RIF1: variants seen among roughly 807,000 people sequenced by gnomAD.
RIF1 encodes the protein replication timing regulatory factor 1.
Under a neutral mutation model 247.1 loss-of-function variants are expected in RIF1, and 45 were observed. The ratio of observed to expected loss-of-function variants is 0.18; its 90% confidence interval spans 0.14 to 0.23. The LOEUF is 0.23. RIF1 is among the 10% of genes least tolerant of loss of function. RIF1 has a pLI of 1.00. For missense variants in RIF1, 2,967 were observed against 2,862.5 expected, an observed-to-expected ratio of 1.04 and a Z score of -0.83; for synonymous variants, 1,087 against 978.8, an observed-to-expected ratio of 1.11 and a Z score of -2.06.
At position 151,443,203 on chromosome 2, in the gene RIF1, A is replaced by G. The variant is rs532673336; in HGVS notation, c.1735-56A>G. On this transcript the variant is annotated intron_variant, in intron 16 of 35. Coordinates refer to ENST00000444746, the MANE Select transcript of RIF1 (RefSeq NM_018151.5). ...TTATTTCTTAAATAACCAATTATAA[A>G]AAACAAATGTTCTATTCTTTGTAAC... 386 of 1,122,750 alleles carry G rather than the reference A, an allele frequency of 3.4e-4. 6 individuals are homozygous for G. In the South Asian group the frequency reaches 5.1e-3, roughly 15 times the overall value. 69.5% of individuals were successfully genotyped at this position (1,122,750 alleles called of 1,614,324 possible). A position where few individuals can be genotyped will look rare whatever the true frequency, so the allele number is the denominator to read the frequency against.
At chr2:151,489,842 G>T in intron 9 of RIF1, 1 of 551,938 alleles carries the variant, frequency 1.8e-6, no homozygotes, top group Non-Finnish European at 3.2e-6. Flanking sequence ...TATGAAACAT[G>T]TAATAAAAGA....
At chr2:151,462,848 C>A (rs766407218) in intron 29 of RIF1, 36 bp from the exon 30 acceptor site, 2 of 1,418,764 alleles carry the variant, frequency 1.4e-6, no homozygotes, top group South Asian at 1.4e-5. Flanking sequence ...GGTTATTAAT[C>A]TGTGTGTGTA....
In RIF1 at chr2:151,455,050, A is replaced by G. The variant is rs748520200; in HGVS notation, c.2500A>G (p.Ile834Val). Residue 834 changes from isoleucine (I) to valine (V), a missense_variant, in exon 22 of 36, where the codon ATC (isoleucine) becomes GTC (valine). Physicochemically the swap from Ile to Val is conservative, Grantham distance 29. This residue lies in a region of RIF1 where 2,028 missense variants were observed against 1,825.6 expected (regional missense o/e 1.11). Coordinates refer to ENST00000444746, the MANE Select transcript of RIF1 (RefSeq NM_018151.5). ...SDTLFTIGNS[I>V]TGIISSVLGH... is the part of the protein sequence containing the mutation. ...TACCCTCTTCACTATTGGCAACTCA[A>G]TCACCGGCATTATTTCCAGTGTACT... 9.9e-6 allele frequency: 16 copies of G among 1,613,822 alleles called. No homozygotes were observed. Among genetic ancestry groups the G allele is most frequent in the African/African-American group, 2.7e-5 (2 of 75,022 alleles).
chr2:151,499,115 A>ATGAT (rs1480255151), intron 10 of RIF1, among the ~76,000 whole-genome samples: 5 of 152,154 alleles, frequency 3.3e-5, no homozygotes, highest in Non-Finnish European at 7.4e-5. Flanking sequence ...ATTAAGTTAA[A>ATGAT]TGATTATATT....
chr2:151,466,895 C>T (rs2152511580), intron 30 of RIF1, among the ~76,000 whole-genome samples: 1 of 152,310 alleles, frequency 6.6e-6, no homozygotes, highest in Non-Finnish European at 1.5e-5. Context: ...AGACATGACA[C>T]CTTGTTTTTT....
chr2:151,463,754 A>G lies in RIF1; in HGVS notation c.4234A>G (p.Lys1412Glu). ...TCAGGTTCAGATAACTCCAAATCAG[A>G]AAACCCTTAGACGGTCTTCAAGGCG... ...DSQVQITPNQ[K>E]TLRRSSRRRS... Residue 1412 changes from lysine to glutamate, a missense_variant, in exon 30 of 36, where the codon AAA (lysine) becomes GAA (glutamate). By Grantham distance (56) the Lys-to-Glu change is moderately conservative (BLOSUM62 1). Around this residue, in one of 7 missense-constraint regions of RIF1, gnomAD observed 2,028 missense variants for 1,825.6 expected, o/e 1.11. Coordinates refer to ENST00000444746, the MANE Select transcript of RIF1 (RefSeq NM_018151.5). 1 of 1,614,064 alleles carries G rather than the reference A, an allele frequency of 6.2e-7. No homozygotes were observed. Among genetic ancestry groups the G allele is most frequent in the Non-Finnish European group, 8.5e-7 (1 of 1,180,006 alleles).
At position 151,468,110 on chromosome 2, in the gene RIF1, A is replaced by T; in HGVS notation, c.6711A>T (p.Gly2237=). ...ATTCTTCCAATAGTTCTCCCATAGGAAAAAGTGTTAAAACTTCTCCTACTA... is the reference window on the plus strand; with the variant it reads ...ATTCTTCCAATAGTTCTCCCATAGGTAAAAGTGTTAAAACTTCTCCTACTA... The part of the protein sequence containing the change: ...RSHSSNSSPI[G]KSVKTSPTTQ... Residue 2237 remains glycine (G), a synonymous_variant, in exon 31 of 36, where the codon GGA becomes GGT. Coordinates refer to ENST00000444746, the MANE Select transcript of RIF1 (RefSeq NM_018151.5). 1.2e-6 allele frequency: 2 copies of T among 1,613,372 alleles called. No individual in the cohort carries two copies. The highest frequency in any genetic ancestry group is 1.7e-4 in the Middle Eastern group (1 of 6,056).
downstream of RIF1, among the ~76,000 whole-genome samples, chr2:151,486,915 A>G (rs1003071190): frequency 1.3e-5 from 2 of 152,230 alleles, no homozygotes; most frequent in African/African-American, 4.8e-5. Flanking sequence ...ATTCACCAGA[A>G]GAGTTTTGAA....
chr2:151,463,880 A>T lies in RIF1; in HGVS notation c.4360A>T (p.Ser1454Cys), dbSNP rs144292917. 4.4e-5 allele frequency: 71 copies of T among 1,613,320 alleles called. No individual in the cohort carries two copies. Among genetic ancestry groups the T allele is most frequent in the Non-Finnish European group, 5.8e-5 (69 of 1,179,898 alleles). Residue 1454 changes from serine (S) to cysteine (C), a missense_variant, in exon 30 of 36, where the codon AGT becomes TGT. Physicochemically the swap from Ser to Cys is moderately radical, Grantham distance 112. Around this residue, in one of 7 missense-constraint regions of RIF1, gnomAD observed 2,028 missense variants for 1,825.6 expected, o/e 1.11. Coordinates refer to ENST00000444746, the MANE Select transcript of RIF1 (RefSeq NM_018151.5). Reference protein sequence around the residue: ...RKEEEKPLQKSPLHIKDDVLP... With the variant: ...RKEEEKPLQKCPLHIKDDVLP... ...GGAAGAAGAAAAACCTCTTCAGAAG[A>T]GTCCATTGCATATAAAAGATGATGT...
the RIF1 span, among the ~76,000 whole-genome samples, chr2:151,529,616 C>T: frequency 7.2e-5 from 11 of 152,004 alleles, no homozygotes; most frequent in South Asian, 2.1e-4. Flanking sequence ...CTGCAACCTC[C>T]GCCTCCCAGG....
Position 151,467,989 on chromosome 2 carries a change from T to C in RIF1, c.6601-11T>C. The C allele has an allele frequency of 6.3e-7, 1 of 1,592,852 alleles. No homozygotes were observed. The highest frequency in any genetic ancestry group is 8.5e-7 in the Non-Finnish European group (1 of 1,173,028). On this transcript the variant is annotated splice_polypyrimidine_tract_variant and intron_variant, in intron 30 of 35. Transcript: ENST00000444746. ...AATTTTGTTAAGTAAAATCCTGACC[T>C]GTGTTTTCAGGTTCGCCGTGTCTCC... is the stretch of plus-strand genomic sequence containing the variant.
At position 151,463,927 on chromosome 2, in the gene RIF1, T is replaced by C; in HGVS notation, c.4407T>C (p.Ile1469=). ...KDDVLPKQKL[I]AEQTLQENLI... ...ATGTGTTACCTAAACAAAAACTGAT[T>C]GCTGAACAAACTCTACAGGAGAATT... Residue 1469 remains isoleucine (I), a synonymous_variant, in exon 30 of 36, where the codon ATT becomes ATC. Transcript: ENST00000444746. 1.2e-6 allele frequency: 2 copies of C among 1,613,410 alleles called. No homozygotes were observed. The highest frequency in any genetic ancestry group is 1.7e-6 in the Non-Finnish European group (2 of 1,179,848).
the RIF1 span, chr2:151,525,338 G>T: frequency 8.4e-7 from 1 of 1,194,502 alleles, no homozygotes; most frequent in Non-Finnish European, 1.2e-6. Flanking sequence ...TTTACTTGAA[G>T]AACTGTGAAA....
the RIF1 span, chr2:151,518,379 T>C: frequency 6.2e-7 from 1 of 1,612,550 alleles, no homozygotes; most frequent in Non-Finnish European, 8.5e-7. Context: ...GGGTATGGTG[T>C]GGTAGTGGCC....
chr2:151,461,492 C>T (rs1158366648), intron 27 of RIF1, among the ~76,000 whole-genome samples: 2 of 151,054 alleles, frequency 1.3e-5, no homozygotes, highest in Admixed American at 6.6e-5. Flanking sequence ...CCCAGGTTCA[C>T]GCTATTCTCC....
chr2:151,455,081 A>G lies in RIF1; in HGVS notation c.2531A>G (p.His844Arg), dbSNP rs1323251857. Residue 844 changes from histidine to arginine, a missense_variant, in exon 22 of 36, where the codon CAT (histidine) becomes CGT (arginine). By Grantham distance (29) the His-to-Arg change is conservative. Coordinates refer to ENST00000444746, the MANE Select transcript of RIF1 (RefSeq NM_018151.5). ...GGCATTATTTCCAGTGTACTTGGGC[A>G]TATTTCTTTGCCTTCTATGATCCGA... ...ITGIISSVLG[H>R]ISLPSMIRKI... 3.1e-6 allele frequency: 5 copies of G among 1,613,544 alleles called. No homozygotes were observed. Among genetic ancestry groups the G allele is most frequent in the East Asian group, 2.2e-5 (1 of 44,832 alleles).
At chr2:151,462,839 G>T in intron 29 of RIF1, 45 bp from the exon 30 acceptor site, 1 of 1,390,044 alleles carries the variant, frequency 7.2e-7, no homozygotes, top group Admixed American at 2.4e-5. Context: ...TCGTTTGCTG[G>T]TTATTAATCT....
chr2:151,411,207 A>AT (rs66862523), intron 2 of RIF1, 53 bp from the exon 3 acceptor site: 12,842 of 898,026 alleles, frequency 0.014, 12 homozygotes, highest in Non-Finnish European at 0.015. Context: ...TTTTGAGAGT[A>AT]TTTTTTTTTT....
chr2:151,441,799 A>C (rs1326788750), intron 15 of RIF1, 106 bp from the exon 16 acceptor site: 1 of 506,826 alleles, frequency 2.0e-6, no homozygotes, highest in African/African-American at 2.1e-5. Flanking sequence ...ATTTACGTTA[A>C]TGAATGAACA....
Sources: gnomAD v4.1 joint callset for allele counts (sites outside exome capture counted in the v4.1 genomes callset) on GRCh38, gnomAD v4.1.1 for gene constraint, gnomAD v4.1.1 regional missense constraint, MANE v1.5 for transcripts, NCBI Gene and HGNC (gene_info 2026-07-23, HGNC 2026-07-21) for gene names.